GNB5: variants seen among roughly 807,000 people sequenced by gnomAD.
The protein encoded by GNB5 is guanine nucleotide-binding protein subunit beta-5.
In GNB5, 37 loss-of-function variants were observed where a neutral mutation model predicts 55.3. The observed-to-expected ratio is 0.67, with a 90% CI of 0.51 to 0.88. The LOEUF is 0.88. Ranked by LOEUF, GNB5 falls within the 40% of genes least tolerant of loss-of-function variation. The pLI, the probability that GNB5 is intolerant of heterozygous loss-of-function variation, is 0.00. For synonymous variants in GNB5, 219 were observed against 198.5 expected, an observed-to-expected ratio of 1.10 and a Z score of -0.87; for missense variants, 476 against 515.3, an observed-to-expected ratio of 0.92 and a Z score of 0.74.
intron 3 of GNB5, among the ~76,000 whole-genome samples, chr15:52,164,270 T>C (rs1310248168): frequency 7.1e-6 from 1 of 140,496 alleles, no homozygotes; most frequent in Non-Finnish European, 1.5e-5. Flanking sequence ...ATGGTGCCAT[T>C]GCACTCCAGC....
intron 1 of GNB5, among the ~76,000 whole-genome samples, chr15:52,185,750 C>CTTT (rs200299592): frequency 1.1e-3 from 132 of 123,676 alleles, no homozygotes; most frequent in Middle Eastern, 4.3e-3. Flanking sequence ...GTGTATTCAT[C>CTTT]TTTTTATTAT....
At chr15:52,179,538 G>T (rs950065518) in intron 3 of GNB5, among the ~76,000 whole-genome samples, 29 of 151,828 alleles carry the variant, frequency 1.9e-4, no homozygotes, top group African/African-American at 5.6e-4. Flanking sequence ...GGCGGCGGGG[G>T]TCGGCCAGGT....
intron 3 of GNB5, among the ~76,000 whole-genome samples, chr15:52,168,518 A>G (rs1218574804): frequency 6.6e-6 from 1 of 152,250 alleles, no homozygotes; most frequent in Non-Finnish European, 1.5e-5. Flanking sequence ...GGAAGAATCA[A>G]TACAGTGAAA....
At chr15:52,189,819 G>T (rs537362090) in intron 1 of GNB5, among the ~76,000 whole-genome samples, 1 of 152,052 alleles carries the variant, frequency 6.6e-6, no homozygotes, top group Non-Finnish European at 1.5e-5. Context: ...GACACAAAAG[G>T]CCACATATTG....
intron 6 of GNB5, 99 bp from the exon 7 acceptor site, chr15:52,141,371 C>T (rs895191804): frequency 8.1e-6 from 8 of 990,318 alleles, no homozygotes; most frequent in Non-Finnish European, 1.1e-5. Flanking sequence ...TTCTCTTTAG[C>T]AGTATCATAT....
chr15:52,143,476 G>T (rs760735618), intron 6 of GNB5, among the ~76,000 whole-genome samples: 14 of 152,196 alleles, frequency 9.2e-5, no homozygotes, highest in Non-Finnish European at 1.5e-4. Flanking sequence ...GCACACATGA[G>T]ATCATAGTAA....
At chr15:52,147,580 ATCTTTTTTTTTTT>A (rs762855246) in intron 5 of GNB5, 45 bp from the exon 6 acceptor site, 2 of 1,091,796 alleles carry the variant, frequency 1.8e-6, no homozygotes, top group Non-Finnish European at 1.3e-6. Context: ...CCACACAAAA[ATCTTTTTTTTTTT>A]TCTTTTTTTT....
At chr15:52,136,756 T>C (rs1459621085) in intron 7 of GNB5, among the ~76,000 whole-genome samples, 2 of 152,176 alleles carry the variant, frequency 1.3e-5, no homozygotes, top group Non-Finnish European at 2.9e-5. Context: ...TGCAGAAAGA[T>C]TGTGTCTCAG....
At chr15:52,149,482 C>A in intron 5 of GNB5, 1 of 451,426 alleles carries the variant, frequency 2.2e-6, no homozygotes, top group Non-Finnish European at 4.0e-6. Flanking sequence ...ATCTTCCCCA[C>A]CCTCCACGTG....
intron 9 of GNB5, among the ~76,000 whole-genome samples, chr15:52,131,319 T>C (rs1800494148): frequency 6.6e-6 from 1 of 152,230 alleles, no homozygotes; most frequent in Non-Finnish European, 1.5e-5. Context: ...TTACACTTAC[T>C]AGATATTGTA....
rs748068424 is a variant in GNB5, at chr15:52,185,752, TTTTATTA to T, written c.-18-1065_-18-1059del. ...CCCACTTTGAGCTGTGTATTCATCT[TTTTATTA>T]TTATTATTATTATTATTATTATTAT... is the stretch of plus-strand genomic sequence containing the variant. On this transcript the variant is annotated intron_variant, in intron 1 of 12. Transcript: ENST00000261837. Among the ~76,000 whole-genome samples the T allele has an allele frequency of 6.2e-3, 590 of 94,422 alleles. 3 individuals are homozygous for T. The highest frequency in any genetic ancestry group is 0.031 in the Middle Eastern group (6 of 196). The allele number at this position is 94,422 out of a possible 152,430, so 61.9% of individuals were successfully genotyped here.
chr15:52,134,285 A>T (rs2033646560), intron 8 of GNB5, among the ~76,000 whole-genome samples: 1 of 152,216 alleles, frequency 6.6e-6, no homozygotes, highest in Non-Finnish European at 1.5e-5. Flanking sequence ...AATAGCTTAT[A>T]TGATCAAACA....
Position 52,147,456 on chromosome 15 carries a change from T to C in GNB5, c.494+3A>G, listed in dbSNP as rs1341894004. ...CTGAAAAGCTGCTGTAGCTCCAACT[T>C]ACCCACAAGCAATGGCACATCCCGA... On this transcript the variant is annotated splice_donor_region_variant and intron_variant, in intron 6 of 12. Coordinates refer to ENST00000261837, the MANE Select transcript of GNB5 (RefSeq NM_016194.4). 1.3e-6 allele frequency: 2 copies of C among 1,561,808 alleles called. No individual in the cohort carries two copies. The highest frequency in any genetic ancestry group is 2.2e-5 in the East Asian group (1 of 44,628).
chr15:52,171,796 A>G (rs2034559434), intron 3 of GNB5, among the ~76,000 whole-genome samples: 1 of 152,256 alleles, frequency 6.6e-6, no homozygotes, highest in African/African-American at 2.4e-5. Flanking sequence ...TAAGCCATAA[A>G]GCATTCAATA....
intron 5 of GNB5, among the ~76,000 whole-genome samples, chr15:52,148,654 T>G (rs1053206764): frequency 2.0e-5 from 3 of 152,240 alleles, no homozygotes; most frequent in African/African-American, 4.8e-5. Context: ...TAGTTCTTAA[T>G]GCTTCCAATG....
intron 2 of GNB5, 125 bp from the exon 3 acceptor site, chr15:52,180,004 C>G: frequency 8.2e-7 from 1 of 1,215,262 alleles, no homozygotes; most frequent in Non-Finnish European, 1.0e-6. Flanking sequence ...TCCGCGATGA[C>G]GCCAGCAGCT....
At chr15:52,186,614 G>A (rs1323034684) in intron 1 of GNB5, among the ~76,000 whole-genome samples, 1 of 152,206 alleles carries the variant, frequency 6.6e-6, no homozygotes, top group Non-Finnish European at 1.5e-5. Flanking sequence ...GTGTGGCCCT[G>A]TCAATTTGGT....
At chr15:52,179,918 G>A (rs936261193) in intron 2 of GNB5, 39 bp from the exon 3 acceptor site, 24 of 1,481,370 alleles carry the variant, frequency 1.6e-5, no homozygotes, top group Admixed American at 6.8e-5. Flanking sequence ...AGCGGAGAGC[G>A]GGAATGCGCT....
chr15:52,139,331 C>T (rs1415387003), intron 7 of GNB5, among the ~76,000 whole-genome samples: 2 of 152,074 alleles, frequency 1.3e-5, no homozygotes, highest in African/African-American at 4.8e-5. Flanking sequence ...AGACCCACTA[C>T]AGGCCTACCA....
Sources: allele counts gnomAD v4.1 joint callset (sites outside exome capture counted in the v4.1 genomes callset), GRCh38; gene constraint gnomAD v4.1.1; transcripts MANE v1.5; gene names NCBI Gene and HGNC (gene_info 2026-07-23, HGNC 2026-07-21).